ZNF75D: variants seen among roughly 807,000 people sequenced by gnomAD.
ZNF75D encodes the protein zinc finger protein 75D, also known as zinc finger protein 75.
ZNF75D carries 33 observed loss-of-function variants against 33.3 expected under a neutral mutation model. The ratio of observed to expected loss-of-function variants is 0.99; its 90% CI spans 0.75 to 1.32. ZNF75D has a LOEUF of 1.32. Ranked by LOEUF, ZNF75D falls within the 40% of genes most tolerant of loss-of-function variation. ZNF75D has a pLI of 0.00. For missense variants in ZNF75D, 338 were observed against 367.5 expected, an observed-to-expected ratio of 0.92 and a Z score of 0.66; for synonymous variants, 113 against 130.6, an observed-to-expected ratio of 0.87 and a Z score of 0.92.
intron 6 of ZNF75D, among the ~76,000 whole-genome samples, chrX:135,290,137 T>C (rs1473487215): frequency 8.9e-6 from 1 of 112,327 alleles, no homozygotes; most frequent in African/African-American, 3.2e-5. Context: ...TCATATACAC[T>C]CAAGATACAG....
At chrX:135,278,783 G>A (rs2083909423) in intron 1 of ZNF75D, among the ~76,000 whole-genome samples, 1 of 112,311 alleles carries the variant, frequency 8.9e-6, no homozygotes, top group Admixed American at 9.4e-5. Context: ...TTAAGTGATG[G>A]ATTATGTTTA....
chrX:135,309,265 C>T (rs183298470), intron 1 of ZNF75D, among the ~76,000 whole-genome samples: 14 of 111,638 alleles, frequency 1.3e-4, no homozygotes, highest in Admixed American at 6.6e-4. Flanking sequence ...CTTAATGTCC[C>T]GGGTCCCATC....
At chrX:135,315,268 A>G (rs1461497854) in intron 1 of ZNF75D, among the ~76,000 whole-genome samples, 1 of 111,509 alleles carries the variant, frequency 9.0e-6, no homozygotes, top group African/African-American at 3.3e-5. Flanking sequence ...CTTAATATTG[A>G]TTTCTAGTTT....
chrX:135,287,678 C>T lies in ZNF75D; in HGVS notation c.992G>A (p.Arg331Gln), dbSNP rs368304337. 1.1e-4 allele frequency: 138 copies of T among 1,209,134 alleles called. No individual in the cohort carries two copies. The highest frequency in any genetic ancestry group is 2.3e-4 in the Middle Eastern group (1 of 4,373). Reference protein sequence around the residue: ...GDTHSVQKWHRAFPRKKRKKP... With the variant: ...GDTHSVQKWHQAFPRKKRKKP... ...CTTTCTTTTCTTCCTTGGAAAAGCT[C>T]GATGCCATTTCTGTACACTGTGTGT... Residue 331 changes from arginine (R) to glutamine (Q), a missense_variant, in exon 7 of 7, where the codon CGA (arginine) becomes CAA (glutamine). By Grantham distance (43) the Arg-to-Gln change is conservative (BLOSUM62 1). Coordinates refer to ENST00000370766, the MANE Select transcript of ZNF75D (RefSeq NM_007131.5).
chrX:135,300,746 C>CAA (rs57422132), intron 1 of ZNF75D, among the ~76,000 whole-genome samples: 1,219 of 85,303 alleles, frequency 0.014, 9 homozygotes, highest in Middle Eastern at 0.072. Flanking sequence ...GACTCCATCT[C>CAA]AAAAAAAAAA....
At chrX:135,258,179 A>ATATGTACCACATTTTCT (rs782362401) in intron 1 of ZNF75D, among the ~76,000 whole-genome samples, 3 of 79,407 alleles carry the variant, frequency 3.8e-5, no homozygotes, top group Non-Finnish European at 9.8e-5. Flanking sequence ...TCCATGGTGT[A>ATATGTACCACATTTTCT]TAATCCAGTC....
chrX:135,333,545 C>T (rs1342514950), intron 1 of ZNF75D, among the ~76,000 whole-genome samples: 2 of 112,156 alleles, frequency 1.8e-5, no homozygotes, highest in Non-Finnish European at 3.8e-5. Context: ...TTGCCTAGCA[C>T]AGGGTACCAC....
At chrX:135,312,459 G>A (rs1419076738) in intron 1 of ZNF75D, among the ~76,000 whole-genome samples, 8 of 112,038 alleles carry the variant, frequency 7.1e-5, no homozygotes, top group African/African-American at 2.3e-4. Flanking sequence ...ATAAACATGC[G>A]AGTGCAGGTA....
chrX:135,283,883 C>T (rs1020304414), downstream of ZNF75D, among the ~76,000 whole-genome samples: 7 of 111,826 alleles, frequency 6.3e-5, no homozygotes, highest in Non-Finnish European at 1.3e-4. Context: ...TTGACCCACT[C>T]ACATGCTCTT....
At chrX:135,280,888 T>C (rs1377440426), downstream of ZNF75D, among the ~76,000 whole-genome samples, 1 of 112,162 alleles carries the variant, frequency 8.9e-6, no homozygotes, top group Non-Finnish European at 1.9e-5. Flanking sequence ...CCTTTGTGGG[T>C]AGTCCGACCT....
intron 1 of ZNF75D, among the ~76,000 whole-genome samples, chrX:135,338,314 G>A (rs782733940): frequency 1.8e-5 from 2 of 111,558 alleles, no homozygotes; most frequent in East Asian, 5.7e-4. Context: ...GCAGCCTGAG[G>A]GCACTGTATA....
chrX:135,295,811 T>G lies in ZNF75D; in HGVS notation c.-162A>C, dbSNP rs1365493525. On this transcript the variant is annotated 5_prime_UTR_variant, in exon 2 of 7. Transcript: ENST00000370766. ...TCCCCGGAGGCCACTTTCCTCTTCC[T>G]CGGCTCGACTACGCCTCTGCCTCTG... 1 of 112,124 alleles carries G rather than the reference T, an allele frequency of 8.9e-6. No homozygotes were observed. Among genetic ancestry groups the G allele is most frequent in the Non-Finnish European group, 1.9e-5 (1 of 53,185 alleles). The allele number at this position is 112,124 out of a possible 1,213,427, so 9.2% of individuals were successfully genotyped here.
intron 1 of ZNF75D, among the ~76,000 whole-genome samples, chrX:135,259,475 C>T (rs1438695149): frequency 9.0e-6 from 1 of 111,390 alleles, no homozygotes; most frequent in African/African-American, 3.3e-5. Flanking sequence ...TTTCCTTCAC[C>T]AGTGGTTTCT....
chrX:135,271,727 T>C (rs1274860615), intron 1 of ZNF75D, among the ~76,000 whole-genome samples: 1 of 111,890 alleles, frequency 8.9e-6, no homozygotes, highest in African/African-American at 3.3e-5. Context: ...TACCCATCAC[T>C]GAAGAGATCA....
intron 1 of ZNF75D, among the ~76,000 whole-genome samples, chrX:135,261,576 T>G (rs941199985): frequency 2.5e-4 from 28 of 111,921 alleles, no homozygotes; most frequent in Non-Finnish European, 5.1e-4. Flanking sequence ...CTTTTGATCT[T>G]TGTTGGTTTA....
intron 1 of ZNF75D, among the ~76,000 whole-genome samples, chrX:135,268,292 T>A: frequency 9.4e-6 from 1 of 105,945 alleles, no homozygotes; most frequent in Non-Finnish European, 1.9e-5. Context: ...ATAAAGGGCA[T>A]TAAAATTGCA....
chrX:135,270,081 G>A (rs1556416747), intron 1 of ZNF75D, among the ~76,000 whole-genome samples: 1 of 109,131 alleles, frequency 9.2e-6, no homozygotes, highest in Admixed American at 9.9e-5. Flanking sequence ...TAGAAGGATG[G>A]TTGCCAGAGG....
chrX:135,267,437 C>T (rs1432280546), intron 1 of ZNF75D, among the ~76,000 whole-genome samples: 4 of 111,118 alleles, frequency 3.6e-5, no homozygotes, highest in African/African-American at 1.3e-4. Flanking sequence ...GGAGAGATTA[C>T]AACTGATACC....
chrX:135,313,470 C>CT (rs1335106071), intron 1 of ZNF75D, among the ~76,000 whole-genome samples: 2 of 108,554 alleles, frequency 1.8e-5, no homozygotes, highest in Non-Finnish European at 3.9e-5. Context: ...GCTATTCTGG[C>CT]TTTTTTTGTT....
Sources: gnomAD v4.1 joint callset for allele counts (sites outside exome capture counted in the v4.1 genomes callset) on GRCh38, gnomAD v4.1.1 for gene constraint, MANE v1.5 for transcripts, NCBI Gene and HGNC (gene_info 2026-07-23, HGNC 2026-07-21) for gene names.